Variants in UPK3A observed in about 807,000 individuals in gnomAD.
The protein encoded by UPK3A is uroplakin-3a.
Under a neutral mutation model 27.6 loss-of-function variants are expected in UPK3A, and 32 were observed. That is an observed-to-expected ratio of 1.16 (90% CI 0.87 to 1.55). The LOEUF (loss-of-function observed/expected upper bound fraction) is 1.55, where lower values mean the gene tolerates loss of function less well. Ranked by LOEUF, UPK3A falls within the 40% of genes most tolerant of loss-of-function variation. UPK3A has a pLI of 0.00. For synonymous variants in UPK3A, 171 were observed against 163.9 expected (o/e 1.04, Z -0.33); for missense variants, 370 against 367.9 (o/e 1.01, Z -0.05).
chr22:45,295,414 C>T (rs2084188195), intron 5 of UPK3A, 146 bp from the exon 6 acceptor site: 1 of 924,892 alleles, frequency 1.1e-6, no homozygotes. Flanking sequence ...AGGGTCAGTG[C>T]TCCAGAAAGA....
chr22:45,286,153 G>A, intron 2 of UPK3A, 57 bp downstream of exon 2: 3 of 1,608,034 alleles, frequency 1.9e-6, no homozygotes, highest in Non-Finnish European at 2.5e-6. Flanking sequence ...TGTCTGCAGG[G>A]AGGAGGGAAG....
In UPK3A at chr22:45,293,220, G is replaced by T. The variant is rs775909321; in HGVS notation, c.611G>T (p.Arg204Leu). ...ACGATCGACACGTGGCCAGGCCGGC[G>T]GAGCGGAGGCATGATCGTCATCACT... ...YSTIDTWPGR[R>L]SGGMIVITSI... The change falls in exon 5 of 6, where the codon CGG (arginine) becomes CTG (leucine). Residue 204 changes from arginine (R) to leucine (L), a missense_variant. Coordinates refer to ENST00000216211, the MANE Select transcript of UPK3A (RefSeq NM_006953.4). 1 of 1,613,970 alleles carries T rather than the reference G, an allele frequency of 6.2e-7. No homozygotes were observed. Among genetic ancestry groups the T allele is most frequent in the African/African-American group, 1.3e-5 (1 of 74,934 alleles).
intron 4 of UPK3A, among the ~76,000 whole-genome samples, chr22:45,291,779 TGTGA>T (rs1701111979): frequency 6.7e-6 from 1 of 150,340 alleles, no homozygotes; most frequent in African/African-American, 2.5e-5. Flanking sequence ...GTGTGTGGTG[TGTGA>T]GAGTGTGGCA....
At chr22:45,288,883 C>T (rs1380951119) in intron 3 of UPK3A, among the ~76,000 whole-genome samples, 178 bp from the exon 4 acceptor site, 1 of 152,086 alleles carries the variant, frequency 6.6e-6, no homozygotes, top group South Asian at 2.1e-4. Flanking sequence ...TCCTATTGGC[C>T]AAGCTCAGCA....
At chr22:45,286,276 A>G (rs2084117490) in intron 2 of UPK3A, among the ~76,000 whole-genome samples, 180 bp downstream of exon 2, 1 of 152,146 alleles carries the variant, frequency 6.6e-6, no homozygotes, top group South Asian at 2.1e-4. Flanking sequence ...AAGTAATAAC[A>G]CCACCAGTCA....
chr22:45,286,307 A>G (rs2084117634), intron 2 of UPK3A, among the ~76,000 whole-genome samples: 1 of 152,202 alleles, frequency 6.6e-6, no homozygotes, highest in Admixed American at 6.5e-5. Context: ...ACACCATACC[A>G]GGCACTTTGC....
intron 3 of UPK3A, 122 bp downstream of exon 3, chr22:45,287,573 G>A: frequency 7.6e-7 from 1 of 1,313,186 alleles, no homozygotes; most frequent in Non-Finnish European, 1.1e-6. Context: ...AACATCCCAG[G>A]TTCCAGGCAG....
At chr22:45,285,499 C>T (rs2084111211) in intron 1 of UPK3A, among the ~76,000 whole-genome samples, 1 of 152,050 alleles carries the variant, frequency 6.6e-6, no homozygotes, top group African/African-American at 2.4e-5. Flanking sequence ...GGCTGGAGAC[C>T]GAACAAAGCA....
chr22:45,293,599 T>C (rs2084176669), intron 5 of UPK3A, among the ~76,000 whole-genome samples: 2 of 152,200 alleles, frequency 1.3e-5, no homozygotes, highest in Admixed American at 1.3e-4. Context: ...TGAAGAGTTA[T>C]GCAACCTTAG....
chr22:45,293,098 C>G, intron 4 of UPK3A, 83 bp from the exon 5 acceptor site: 2 of 1,588,028 alleles, frequency 1.3e-6, no homozygotes, highest in Non-Finnish European at 1.7e-6. Flanking sequence ...GCAGCCAGGG[C>G]GGGGGAGACA....
chr22:45,293,098 C>T (rs1274806824), intron 4 of UPK3A, 83 bp from the exon 5 acceptor site: 40 of 1,587,910 alleles, frequency 2.5e-5, no homozygotes, highest in Non-Finnish European at 2.7e-5. Context: ...GCAGCCAGGG[C>T]GGGGGAGACA....
chr22:45,289,171 TGCTCAAGGGGACCCGAGAAG>T, intron 4 of UPK3A, 28 bp downstream of exon 4: 1 of 1,611,644 alleles, frequency 6.2e-7, no homozygotes, highest in Non-Finnish European at 8.5e-7. Flanking sequence ...GTGGTGGTGA[TGCTCAAGGGGACCCGAGAAG>T]GCGGGGCCAG....
At chr22:45,291,605 GTGAC>G (rs2084161835) in intron 4 of UPK3A, among the ~76,000 whole-genome samples, 1 of 149,834 alleles carries the variant, frequency 6.7e-6, no homozygotes, top group Admixed American at 6.6e-5. Flanking sequence ...GTGTCTGAGT[GTGAC>G]TGTGTGTGTG....
At chr22:45,294,549 C>G (rs2084182759) in intron 5 of UPK3A, among the ~76,000 whole-genome samples, 1 of 152,116 alleles carries the variant, frequency 6.6e-6, no homozygotes, top group South Asian at 2.1e-4. Flanking sequence ...CATTTAATGA[C>G]AAATGACTCT....
rs2084139409 is a variant in UPK3A, at chr22:45,288,974, CT to C, written c.489-86del. 5 of 1,361,560 alleles carry C rather than the reference CT, an allele frequency of 3.7e-6. No homozygotes were observed. The Admixed American group carries it at 6.8e-5, about 18-fold the overall frequency. 84.3% of individuals were successfully genotyped at this position (1,361,560 alleles called of 1,614,324 possible). A position where few individuals can be genotyped will look rare whatever the true frequency, so the allele number is the denominator to read the frequency against. On this transcript the variant is annotated intron_variant, in intron 3 of 5. Coordinates refer to ENST00000216211, the MANE Select transcript of UPK3A (RefSeq NM_006953.4). ...GGGCCCCCGCTGCCGTCTCCCACCCCTAGGCCATCCTACATCCCCCCACCGC... is the reference window on the plus strand; with the variant it reads ...GGGCCCCCGCTGCCGTCTCCCACCCCAGGCCATCCTACATCCCCCCACCGC...
chr22:45,285,990 C>G lies in UPK3A; in HGVS notation c.102C>G (p.Asn34Lys). 6.2e-7 allele frequency: 1 copy of G among 1,614,208 alleles called. No homozygotes were observed. The highest frequency in any genetic ancestry group is 8.5e-7 in the Non-Finnish European group (1 of 1,180,014). ...QLASVTFATN[N>K]PTLTTVALEK... ...CCAGTGTGACTTTCGCCACCAACAACCCCACACTTACCACTGTGGCCTTGG... is the reference window on the plus strand; with the variant it reads ...CCAGTGTGACTTTCGCCACCAACAAGCCCACACTTACCACTGTGGCCTTGG... The change falls in exon 2 of 6, where the codon AAC becomes AAG. Residue 34 changes from asparagine to lysine, a missense_variant. Physicochemically the swap from Asn to Lys is moderately conservative, Grantham distance 94. Coordinates refer to ENST00000216211, the MANE Select transcript of UPK3A (RefSeq NM_006953.4).
chr22:45,288,436 G>T (rs1306861853), intron 3 of UPK3A, among the ~76,000 whole-genome samples: 1 of 152,160 alleles, frequency 6.6e-6, no homozygotes, highest in Non-Finnish European at 1.5e-5. Flanking sequence ...CTGACCTCAT[G>T]ATCCGCCCGC....
chr22:45,292,068 C>T (rs542906064), intron 4 of UPK3A, among the ~76,000 whole-genome samples: 1 of 152,310 alleles, frequency 6.6e-6, no homozygotes, highest in East Asian at 1.9e-4. Context: ...ACCGAAACAG[C>T]CTTGGAACCC....
chr22:45,292,529 G>A (rs2084168874), intron 4 of UPK3A, among the ~76,000 whole-genome samples: 2 of 152,180 alleles, frequency 1.3e-5, no homozygotes, highest in South Asian at 4.1e-4. Context: ...TCAGACCAGG[G>A]CCCTTTGCCT....
Sources: allele counts gnomAD v4.1 joint callset (sites outside exome capture counted in the v4.1 genomes callset), GRCh38; gene constraint gnomAD v4.1.1; transcripts MANE v1.5; gene names NCBI Gene and HGNC (gene_info 2026-07-23, HGNC 2026-07-21).